The following NMT1 variants were observed in gnomAD, a reference collection of about 807,000 sequenced individuals.
NMT1 encodes the protein glycylpeptide N-tetradecanoyltransferase 1.
A neutral mutation model predicts 63.4 loss-of-function variants in NMT1; 12 were observed. The observed-to-expected ratio is 0.19, with a 90% CI of 0.12 to 0.31. NMT1 has a LOEUF of 0.31. NMT1 is among the 10% of genes least tolerant of loss of function. NMT1 has a pLI of 1.00. For missense variants in NMT1, 432 were observed against 634.6 expected, an observed-to-expected ratio of 0.68 and a Z score of 3.43; for synonymous variants, 228 against 234.3, an observed-to-expected ratio of 0.97 and a Z score of 0.25.
At chr17:45,097,425 C>T (rs1332110653) in intron 6 of NMT1, among the ~76,000 whole-genome samples, 181 bp downstream of exon 6, 1 of 152,118 alleles carries the variant, frequency 6.6e-6, no homozygotes, top group African/African-American at 2.4e-5. Flanking sequence ...TGCTCAGAGT[C>T]CCAGCCAGCT....
chr17:45,087,752 A>G (rs900700705), intron 3 of NMT1, among the ~76,000 whole-genome samples: 2 of 152,174 alleles, frequency 1.3e-5, no homozygotes, highest in African/African-American at 2.4e-5. Context: ...CAGAAACACA[A>G]TGAGACTTCA....
intron 3 of NMT1, among the ~76,000 whole-genome samples, chr17:45,092,707 CAAAAAA>C (rs11355949): frequency 1.4e-4 from 16 of 115,764 alleles, no homozygotes; most frequent in African/African-American, 5.1e-4. Flanking sequence ...GAGACTGTCT[CAAAAAA>C]AAAAAAAAGA....
At chr17:45,099,606 A>C in intron 8 of NMT1, 93 bp downstream of exon 8, 1 of 876,922 alleles carries the variant, frequency 1.1e-6, no homozygotes, top group Admixed American at 1.9e-5. Flanking sequence ...GTGGAGAGGG[A>C]GCTTTCTCCT....
intron 1 of NMT1, among the ~76,000 whole-genome samples, chr17:45,067,739 G>A (rs951152188): frequency 6.6e-6 from 1 of 152,102 alleles, no homozygotes; most frequent in African/African-American, 2.4e-5. Flanking sequence ...CCTCATCACT[G>A]ATATCAAATA....
At chr17:45,073,900 C>G (rs2053959222) in intron 1 of NMT1, among the ~76,000 whole-genome samples, 2 of 152,136 alleles carry the variant, frequency 1.3e-5, no homozygotes, top group Non-Finnish European at 1.5e-5. Flanking sequence ...CTCAGCTTCC[C>G]CTCCCCTATG....
chr17:45,067,321 T>C (rs766814452), intron 1 of NMT1, among the ~76,000 whole-genome samples: 4 of 152,192 alleles, frequency 2.6e-5, no homozygotes, highest in Non-Finnish European at 5.9e-5. Context: ...TCTAGGAATC[T>C]TTCGGAATTT....
At chr17:45,064,121 G>T (rs940448793) in intron 1 of NMT1, among the ~76,000 whole-genome samples, 2 of 152,118 alleles carry the variant, frequency 1.3e-5, no homozygotes, top group Non-Finnish European at 2.9e-5. Flanking sequence ...GGAGGCGGAG[G>T]TTGCAGTGAG....
chr17:45,061,578 T>G (rs2053858896), intron 1 of NMT1, 118 bp downstream of exon 1: 1 of 850,010 alleles, frequency 1.2e-6, no homozygotes, highest in Non-Finnish European at 1.8e-6. Context: ...ATTGGCTAAG[T>G]CACTAGGATT....
chr17:45,099,775 A>G, intron 8 of NMT1: 2 of 456,078 alleles, frequency 4.4e-6, no homozygotes, highest in Non-Finnish European at 8.0e-6. Context: ...GAGAACACCT[A>G]TTCTCTGTAA....
At chr17:45,064,116 C>T (rs781414928) in intron 1 of NMT1, among the ~76,000 whole-genome samples, 1 of 151,656 alleles carries the variant, frequency 6.6e-6, no homozygotes, top group Non-Finnish European at 1.5e-5. Context: ...ACCCGGGAGG[C>T]GGAGGTTGCA....
Position 45,103,852 on chromosome 17 carries a change from C to T in NMT1, c.1308C>T (p.Ser436=), listed in dbSNP as rs766390878. The change falls in exon 10 of 12, where the codon AGC becomes AGT. Residue 436 remains serine, a synonymous_variant. Transcript: ENST00000258960. The surrounding 1 kb of genome is among the most constrained non-coding windows in gnomAD (Gnocchi z 4.8). ...AGACCCCTCTTCTAGACCTCATGAG[C>T]GACGCCCTTGTCCTCGCCAAAATGG... ...HTQTPLLDLM[S]DALVLAKMKG... The T allele has an allele frequency of 2.0e-5, 32 of 1,613,966 alleles. No individual in the cohort carries two copies. The highest frequency in any genetic ancestry group is 2.7e-5 in the African/African-American group (2 of 74,914).
intron 7 of NMT1, 67 bp downstream of exon 7, chr17:45,098,619 C>T: frequency 1.4e-6 from 2 of 1,423,478 alleles, no homozygotes; most frequent in Non-Finnish European, 2.0e-6. Flanking sequence ...GAGCATGTGC[C>T]ACTGTGAGTC....
At chr17:45,069,894 A>C (rs926084736) in intron 1 of NMT1, among the ~76,000 whole-genome samples, 1 of 152,030 alleles carries the variant, frequency 6.6e-6, no homozygotes, top group African/African-American at 2.4e-5. Flanking sequence ...AAAAAAAAAA[A>C]AGTCATTCTA....
chr17:45,104,104 G>A lies in NMT1; in HGVS notation c.1332+228G>A. The A allele has an allele frequency of 6.9e-7, 1 of 1,440,440 alleles. No homozygotes were observed. The highest frequency in any genetic ancestry group is 9.1e-7 in the Non-Finnish European group (1 of 1,094,266). The allele number at this position is 1,440,440 out of a possible 1,614,324, so 89.2% of individuals were successfully genotyped here. A position where few individuals can be genotyped will look rare whatever the true frequency, so the allele number is the denominator to read the frequency against. ...TGAACTCCTCCTGATTCATTTCAGT[G>A]AGTTTCGTTCTCACAGGAGGCGCCA... On this transcript the variant is annotated intron_variant, in intron 10 of 11. Coordinates refer to ENST00000258960, the MANE Select transcript of NMT1 (RefSeq NM_021079.5). The surrounding 1 kb of genome is among the most constrained non-coding windows in gnomAD (Gnocchi z 4.2).
Position 45,108,738 on chromosome 17 carries a change from T to C in NMT1, c.*3099T>C, listed in dbSNP as rs1306279725. 6.6e-6 allele frequency: 1 copy of C among 152,186 alleles called. No individual in the cohort carries two copies. The highest frequency in any genetic ancestry group is 1.5e-5 in the Non-Finnish European group (1 of 68,032). The allele number at this position is 152,186 out of a possible 1,614,324, so 9.4% of individuals were successfully genotyped here. ...ACCAGGGGAGGCCTGAGGCTTCAGT[T>C]TTACTCTGCTGCAAAATGAAGGCGG... is the stretch of plus-strand genomic sequence containing the variant. On this transcript the variant is annotated 3_prime_UTR_variant, in exon 12 of 12. Transcript: ENST00000258960.
chr17:45,101,584 A>C (rs2054166031), intron 8 of NMT1, among the ~76,000 whole-genome samples: 1 of 134,906 alleles, frequency 7.4e-6, no homozygotes, highest in African/African-American at 2.9e-5. Flanking sequence ...GCACCATTGG[A>C]CTCCAGCCTG....
At chr17:45,097,338 A>C in intron 6 of NMT1, 94 bp downstream of exon 6, 1 of 969,010 alleles carries the variant, frequency 1.0e-6, no homozygotes, top group Non-Finnish European at 1.7e-6. Context: ...TGCCCCATGA[A>C]AGGAAGAGGG....
At chr17:45,096,916 T>C (rs1185283696) in intron 5 of NMT1, among the ~76,000 whole-genome samples, 1 of 152,212 alleles carries the variant, frequency 6.6e-6, no homozygotes, top group Non-Finnish European at 1.5e-5. Flanking sequence ...AACCTTGGGT[T>C]GGATGAGTAA....
chr17:45,100,705 C>CAAA, intron 8 of NMT1, among the ~76,000 whole-genome samples: 1 of 140,504 alleles, frequency 7.1e-6, no homozygotes, highest in Non-Finnish European at 1.5e-5. Context: ...AATAAAAATA[C>CAAA]AAAAAATTAG....
Sources: gnomAD v4.1 joint callset for allele counts (sites outside exome capture counted in the v4.1 genomes callset) on GRCh38, gnomAD v4.1.1 for gene constraint, Gnocchi (gnomAD v3.1) non-coding constraint, MANE v1.5 for transcripts, NCBI Gene and HGNC (gene_info 2026-07-23, HGNC 2026-07-21) for gene names.